HSD17B7: variants seen among roughly 807,000 people sequenced by gnomAD.
The protein encoded by HSD17B7 is hydroxysteroid 17-beta dehydrogenase 7.
A neutral mutation model predicts 34.1 loss-of-function variants in HSD17B7; 17 were observed. The observed-to-expected ratio is 0.50, with a 90% CI of 0.34 to 0.75. The LOEUF (loss-of-function observed/expected upper bound fraction) is 0.75, where lower values mean the gene tolerates loss of function less well. Among genes scored for constraint, HSD17B7 ranks in the 30% least tolerant of loss-of-function variants. The probability of loss-of-function intolerance (pLI) is 0.01; values close to 1 mark genes in which losing one functional copy is unlikely to be tolerated. For synonymous variants in HSD17B7, 122 were observed against 154.6 expected (o/e 0.79, Z 1.56); for missense variants, 296 against 406.6 (o/e 0.73, Z 2.34).
intron 3 of HSD17B7, 79 bp from the exon 4 acceptor site, chr1:162,797,723 G>T: frequency 2.6e-6 from 4 of 1,548,122 alleles, no homozygotes; most frequent in Non-Finnish European, 3.5e-6. Flanking sequence ...TGGGTCGGGG[G>T]GATGGGTTGG....
intron 2 of HSD17B7, among the ~76,000 whole-genome samples, chr1:162,793,354 A>G (rs879888841): frequency 1.7e-4 from 25 of 150,722 alleles, no homozygotes; most frequent in Non-Finnish European, 3.1e-4. Flanking sequence ...TTCAGTCTCA[A>G]TCATGATCAT....
At position 162,799,931 on chromosome 1, in the gene HSD17B7, C is replaced by T. The variant is rs1648749510; in HGVS notation, c.636C>T (p.Asn212=). Residue 212 remains asparagine, a synonymous_variant, in exon 5 of 9, where the codon AAC becomes AAT. Transcript: ENST00000254521. ...GTGTGGCTTTGAACAGGAACTTCAA[C>T]CAGCAGGTAAGGCCTGTCTCAGTGA... ...LLSVALNRNF[N]QQGLYSNVAC... is the part of the protein sequence containing the mutation. 3.1e-6 allele frequency: 5 copies of T among 1,613,836 alleles called. No homozygotes were observed. The highest frequency in any genetic ancestry group is 4.2e-6 in the Non-Finnish European group (5 of 1,179,894).
intron 6 of HSD17B7, among the ~76,000 whole-genome samples, chr1:162,803,761 C>T (rs1269054675): frequency 1.3e-5 from 2 of 152,216 alleles, no homozygotes; most frequent in Admixed American, 6.5e-5. Context: ...TTTCATTGCT[C>T]ATGCACCACA....
At chr1:162,804,028 C>G (rs2102235319) in intron 6 of HSD17B7, among the ~76,000 whole-genome samples, 1 of 152,310 alleles carries the variant, frequency 6.6e-6, no homozygotes, top group Admixed American at 6.5e-5. Flanking sequence ...GAAGAAGTGT[C>G]TTTTCCTTAG....
rs1224870633 is a variant in HSD17B7 at position 162,790,811 on chromosome 1, T to C, written c.11T>C (p.Val4Ala). The change falls in exon 1 of 9, where the codon GTG (valine) becomes GCG (alanine). Residue 4 changes from valine to alanine, a missense_variant. Val to Ala is a moderately conservative substitution (Grantham distance 64). Coordinates refer to ENST00000254521, the MANE Select transcript of HSD17B7 (RefSeq NM_016371.4). ...TGTGAGTGCGCGAAGATGCGAAAGG[T>C]GGTTTTGATCACCGGGGCTAGCAGG... is the stretch of plus-strand genomic sequence containing the variant. The part of the protein sequence containing the change: MRK[V>A]VLITGASSGI... 13 of 1,613,266 alleles carry C rather than the reference T, an allele frequency of 8.1e-6. No homozygotes were observed. Among genetic ancestry groups the C allele is most frequent in the Non-Finnish European group, 1.0e-5 (12 of 1,179,730 alleles).
At chr1:162,798,474 G>C (rs1437448440) in intron 4 of HSD17B7, 1 of 152,726 alleles carries the variant, frequency 6.5e-6, no homozygotes, top group Non-Finnish European at 1.5e-5. Flanking sequence ...TCTCTCAATC[G>C]GGATTTGTCT....
chr1:162,809,036 T>C (rs1037332772), intron 8 of HSD17B7, among the ~76,000 whole-genome samples: 8 of 152,370 alleles, frequency 5.3e-5, no homozygotes, highest in Admixed American at 3.9e-4. Context: ...AGGGCATCCC[T>C]GTCTTGTGCC....
rs1336600630 is a variant in HSD17B7 at position 162,812,788 on chromosome 1, A to C, written c.*368A>C. The C allele has an allele frequency of 5.1e-5, 8 of 156,836 alleles. No homozygotes were observed. Among genetic ancestry groups the C allele is most frequent in the African/African-American group, 1.9e-4 (8 of 41,526 alleles). 9.7% of individuals were successfully genotyped at this position (156,836 alleles called of 1,614,324 possible). On this transcript the variant is annotated 3_prime_UTR_variant, in exon 9 of 9. Coordinates refer to ENST00000254521, the MANE Select transcript of HSD17B7 (RefSeq NM_016371.4). ...ACATGGATTTCTACTGAGTTGGATA[A>C]TATGCATTTGTAATAAACTATGAAC...
chr1:162,793,498 G>A (rs535853554), intron 2 of HSD17B7, among the ~76,000 whole-genome samples: 2 of 152,058 alleles, frequency 1.3e-5, no homozygotes, highest in Non-Finnish European at 2.9e-5. Flanking sequence ...TTATTTCATG[G>A]AGACTAAGTT....
In HSD17B7 at chr1:162,812,307, G is replaced by A. The variant is rs562732511; in HGVS notation, c.913G>A (p.Asp305Asn). The part of the protein sequence containing the change: ...NYIMTQKMDL[D>N]EDTAEKFYQK... ...TTTGCTTCTTTTCCAGATGGACCTAGATGAAGACACTGCTGAAAAATTTTA... is the reference window on the plus strand; with the variant it reads ...TTTGCTTCTTTTCCAGATGGACCTAAATGAAGACACTGCTGAAAAATTTTA... The change falls in exon 9 of 9, where the codon GAT becomes AAT. Residue 305 changes from aspartate to asparagine, a missense_variant. Asp to Asn is a conservative substitution (Grantham distance 23). Coordinates refer to ENST00000254521, the MANE Select transcript of HSD17B7 (RefSeq NM_016371.4). The A allele has an allele frequency of 4.9e-5, 79 of 1,612,512 alleles. No homozygotes were observed. In the East Asian group the frequency reaches 1.6e-3, roughly 34 times the overall value.
chr1:162,809,848 T>C (rs796970366), intron 8 of HSD17B7, among the ~76,000 whole-genome samples: 1 of 152,174 alleles, frequency 6.6e-6, no homozygotes, highest in Non-Finnish European at 1.5e-5. Flanking sequence ...TCTTCTTCTT[T>C]ATTAGTCTTG....
intron 7 of HSD17B7, among the ~76,000 whole-genome samples, chr1:162,804,667 C>T (rs1648921288): frequency 1.3e-5 from 2 of 152,102 alleles, no homozygotes; most frequent in Non-Finnish European, 1.5e-5. Flanking sequence ...TGTGATTTCC[C>T]GTGGAGAAAG....
chr1:162,791,973 TC>T (rs1455342580), intron 1 of HSD17B7, among the ~76,000 whole-genome samples: 1 of 152,192 alleles, frequency 6.6e-6, no homozygotes, highest in Admixed American at 6.5e-5. Context: ...CTGTCACCAC[TC>T]CTATGCGGTT....
In HSD17B7 at chr1:162,806,954, A is replaced by C. The variant is rs118180932; in HGVS notation, c.903+1462A>C. ...AAAAACTCTAACTTGATTGAAGATA[A>C]ATGTTATTTTCTTTCTTTTTTTTAA... On this transcript the variant is annotated intron_variant, in intron 8 of 8. Transcript: ENST00000254521. Among the ~76,000 whole-genome samples the C allele has an allele frequency of 8.6e-3, 1,313 of 152,250 alleles. 14 individuals are homozygous for C. Among genetic ancestry groups the C allele is most frequent in the East Asian group, 0.034 (175 of 5,188 alleles).
intron 4 of HSD17B7, chr1:162,798,938 G>A: frequency 3.5e-6 from 1 of 288,606 alleles, no homozygotes; most frequent in Admixed American, 3.7e-5. Flanking sequence ...AAGTTGTGGT[G>A]AGCCGAGGTC....
Position 162,812,234 on chromosome 1 carries a change from T to A in HSD17B7, c.904-64T>A, listed in dbSNP as rs1315941072. The A allele has an allele frequency of 1.2e-5, 18 of 1,538,900 alleles. No individual in the cohort carries two copies. In the East Asian group the frequency reaches 3.3e-4, roughly 28 times the overall value. On this transcript the variant is annotated intron_variant, in intron 8 of 8. Coordinates refer to ENST00000254521, the MANE Select transcript of HSD17B7 (RefSeq NM_016371.4). ...ATTTCATATATTGAATGCCTTTTTT[T>A]TATACAAATACTATTCATCTTATTT...
rs1648748331 is a variant in HSD17B7, at chr1:162,799,882, C to G, written c.587C>G (p.Ser196Cys). The change falls in exon 5 of 9, where the codon TCC becomes TGC. Residue 196 changes from serine (S) to cysteine (C), a missense_variant. Ser to Cys is a moderately radical substitution (Grantham distance 112). Transcript: ENST00000254521. ...AAAGGCAAGGAACCCTACAGCTCTT[C>G]CAAATATGCCACTGACCTTTTGAGT... ...HSKGKEPYSS[S>C]KYATDLLSVA... is the part of the protein sequence containing the mutation. 1 of 1,614,056 alleles carries G rather than the reference C, an allele frequency of 6.2e-7. No homozygotes were observed. The highest frequency in any genetic ancestry group is 8.5e-7 in the Non-Finnish European group (1 of 1,179,972).
At chr1:162,794,796 C>T (rs1648544374) in intron 2 of HSD17B7, among the ~76,000 whole-genome samples, 1 of 152,078 alleles carries the variant, frequency 6.6e-6, no homozygotes, top group Non-Finnish European at 1.5e-5. Flanking sequence ...TTTTGAGACC[C>T]AAAGTTTTAA....
chr1:162,792,124 A>ATCCTGCC (rs1434747227), intron 1 of HSD17B7, among the ~76,000 whole-genome samples: 1 of 152,182 alleles, frequency 6.6e-6, no homozygotes, highest in Non-Finnish European at 1.5e-5. Flanking sequence ...GGATTTGTAC[A>ATCCTGCC]TCCTGCCATG....
Sources: gnomAD v4.1 joint callset for allele counts (sites outside exome capture counted in the v4.1 genomes callset) on GRCh38, gnomAD v4.1.1 for gene constraint, MANE v1.5 for transcripts, NCBI Gene and HGNC (gene_info 2026-07-23, HGNC 2026-07-21) for gene names.